TBC1D2B: variants seen among roughly 807,000 people sequenced by gnomAD.
TBC1D2B encodes the protein TBC1 domain family, member 2B.
TBC1D2B carries 64 observed loss-of-function variants against 100.8 expected under a neutral mutation model. The ratio of observed to expected loss-of-function variants is 0.64; its 90% CI spans 0.52 to 0.78. The LOEUF (loss-of-function observed/expected upper bound fraction) is 0.78. TBC1D2B is among the 30% of genes least tolerant of loss of function. The pLI is 0.00. For missense variants in TBC1D2B, 1,052 were observed against 1,218.4 expected (o/e 0.86, Z 2.03); for synonymous variants, 480 against 479.7 (o/e 1.00, Z -0.01).
At chr15:78,025,577 A>G (rs2072643635) in intron 4 of TBC1D2B, 80 bp from the exon 5 acceptor site, 5 of 1,106,064 alleles carry the variant, frequency 4.5e-6, no homozygotes, top group East Asian at 5.6e-5. Context: ...CCCAGGCTGG[A>G]GTGCAGTGGC....
chr15:78,055,904 C>CGCGGGGCTG (rs2073412319), intron 1 of TBC1D2B, among the ~76,000 whole-genome samples: 1 of 152,150 alleles, frequency 6.6e-6, no homozygotes, highest in African/African-American at 2.4e-5. Flanking sequence ...GAGCAGGCGA[C>CGCGGGGCTG]GCGGGGCTGG....
At chr15:78,045,558 AGT>A (rs1372769822) in intron 2 of TBC1D2B, among the ~76,000 whole-genome samples, 2 of 152,252 alleles carry the variant, frequency 1.3e-5, no homozygotes, top group East Asian at 3.9e-4. Flanking sequence ...GAAAAAATAA[AGT>A]TTGCACATCA....
intron 2 of TBC1D2B, among the ~76,000 whole-genome samples, chr15:78,051,510 T>C (rs1342437085): frequency 1.3e-5 from 2 of 152,184 alleles, no homozygotes; most frequent in Non-Finnish European, 2.9e-5. Context: ...CCTTCTAAGA[T>C]ATACAACTAG....
chr15:78,064,254 G>T (rs1003485399), intron 1 of TBC1D2B, among the ~76,000 whole-genome samples: 17 of 152,016 alleles, frequency 1.1e-4, no homozygotes, highest in African/African-American at 4.1e-4. Context: ...CCTCCAACAC[G>T]CTCTATGTGA....
At chr15:78,063,595 T>C (rs1407250713) in intron 1 of TBC1D2B, among the ~76,000 whole-genome samples, 2 of 152,162 alleles carry the variant, frequency 1.3e-5, no homozygotes, top group East Asian at 1.9e-4. Context: ...GGGGTCAGCA[T>C]AGTGTCACTG....
intron 8 of TBC1D2B, among the ~76,000 whole-genome samples, chr15:78,015,768 C>T (rs2072357043): frequency 6.6e-6 from 1 of 152,220 alleles, no homozygotes; most frequent in South Asian, 2.1e-4. Context: ...CTTAGCACAG[C>T]TCCTGGCACA....
Position 78,016,644 on chromosome 15 carries a change from C to T in TBC1D2B, c.1677G>A (p.Gly559=). The change falls in exon 8 of 13, where the codon GGG becomes GGA. Residue 559 remains glycine (G), a synonymous_variant. Transcript: ENST00000300584. ...MKTPVCSEDQ[G]PTREVIAQLL... ...ACTGGGCTATGACCTCCCGGGTGGG[C>T]CCCTGGTCTTCTGAGCACACTGGTG... 2 of 1,612,564 alleles carry T rather than the reference C, an allele frequency of 1.2e-6. No homozygotes were observed. The highest frequency in any genetic ancestry group is 1.7e-6 in the Non-Finnish European group (2 of 1,179,246).
intron 3 of TBC1D2B, among the ~76,000 whole-genome samples, chr15:78,033,472 C>T (rs2072868596): frequency 6.6e-6 from 1 of 152,088 alleles, no homozygotes; most frequent in Non-Finnish European, 1.5e-5. Context: ...TGACGGAAAG[C>T]GGATCAGAGG....
At chr15:78,019,109 G>GGCTACAGAAACTCCCCATC (rs1223860462) in intron 6 of TBC1D2B, among the ~76,000 whole-genome samples, 14 of 152,020 alleles carry the variant, frequency 9.2e-5, no homozygotes, top group East Asian at 1.9e-4. Flanking sequence ...CCAGAGATGC[G>GGCTACAGAAACTCCCCATC]GCTACAGAAA....
intron 3 of TBC1D2B, among the ~76,000 whole-genome samples, chr15:78,042,440 CCTCT>C (rs66755151): frequency 0.067 from 10,158 of 152,200 alleles, 433 homozygotes; most frequent in Non-Finnish European, 0.1. Flanking sequence ...AGTCACTTTA[CCTCT>C]CTAAGCCTCA....
chr15:78,013,739 C>A (rs1358739402), intron 8 of TBC1D2B, among the ~76,000 whole-genome samples: 1 of 150,398 alleles, frequency 6.6e-6, no homozygotes, highest in East Asian at 2.0e-4. Context: ...TAAAAAAAAA[C>A]AAAGAATGTA....
chr15:78,042,396 G>C (rs1448273177), intron 3 of TBC1D2B, among the ~76,000 whole-genome samples: 1 of 152,162 alleles, frequency 6.6e-6, no homozygotes, highest in Non-Finnish European at 1.5e-5. Flanking sequence ...TGTGTGTTCA[G>C]CTCGGCCACA....
At chr15:78,031,554 CAAAAAAAA>C (rs1225713046) in intron 3 of TBC1D2B, among the ~76,000 whole-genome samples, 819 of 54,958 alleles carry the variant, frequency 0.015, 22 homozygotes, top group African/African-American at 0.058. Flanking sequence ...ACTCTGTCTC[CAAAAAAAA>C]AAAAAAAAAA....
At chr15:78,005,178 C>A (rs1188975960) in intron 10 of TBC1D2B, among the ~76,000 whole-genome samples, 1 of 152,132 alleles carries the variant, frequency 6.6e-6, no homozygotes, top group Non-Finnish European at 1.5e-5. Context: ...GGGTGCTTGG[C>A]GGAGGGCTGG....
intron 11 of TBC1D2B, 167 bp from the exon 12 acceptor site, chr15:78,001,907 G>T: frequency 1.5e-6 from 1 of 654,544 alleles, no homozygotes; most frequent in Non-Finnish European, 2.4e-6. Flanking sequence ...CACTGGCTAG[G>T]CCAAGACTCC....
intron 2 of TBC1D2B, among the ~76,000 whole-genome samples, chr15:78,046,927 G>C (rs1437361556): frequency 6.6e-6 from 1 of 152,214 alleles, no homozygotes; most frequent in East Asian, 1.9e-4. Flanking sequence ...CACATGATGG[G>C]CCTGCACTGT....
chr15:78,011,439 C>T (rs916020345), intron 9 of TBC1D2B, among the ~76,000 whole-genome samples: 1 of 151,454 alleles, frequency 6.6e-6, no homozygotes, highest in Non-Finnish European at 1.5e-5. Context: ...GGTACACATG[C>T]AGAACTTTTT....
intron 1 of TBC1D2B, among the ~76,000 whole-genome samples, chr15:78,062,070 TAGA>T (rs2073557689): frequency 6.6e-6 from 1 of 152,050 alleles, no homozygotes; most frequent in Non-Finnish European, 1.5e-5. Context: ...AACTGAAAGC[TAGA>T]AGGACAGACA....
At chr15:78,017,810 TCC>T in intron 7 of TBC1D2B, 35 bp downstream of exon 7, 4 of 1,388,376 alleles carry the variant, frequency 2.9e-6, no homozygotes, top group Non-Finnish European at 4.0e-6. Context: ...TAACCTTACC[TCC>T]CACCAGGTAA....
Sources: allele counts gnomAD v4.1 joint callset (sites outside exome capture counted in the v4.1 genomes callset), GRCh38; gene constraint gnomAD v4.1.1; transcripts MANE v1.5; gene names NCBI Gene and HGNC (gene_info 2026-07-23, HGNC 2026-07-21).